GRIK5: variants seen among roughly 807,000 people sequenced by gnomAD.
The protein encoded by GRIK5 is glutamate receptor ionotropic, kainate 5.
GRIK5 carries 43 observed loss-of-function variants against 97.4 expected under a neutral mutation model. The ratio of observed to expected loss-of-function variants is 0.44; its 90% confidence interval spans 0.35 to 0.57. The LOEUF (loss-of-function observed/expected upper bound fraction) is 0.57, where lower values mean the gene tolerates loss of function less well. Among genes scored for constraint, GRIK5 ranks in the 20% least tolerant of loss-of-function variants. GRIK5 has a pLI of 0.01. For missense variants in GRIK5, 1,015 were observed against 1,382.0 expected, an observed-to-expected ratio of 0.73 and a Z score of 4.21; for synonymous variants, 580 against 583.5, an observed-to-expected ratio of 0.99 and a Z score of 0.09.
intron 11 of GRIK5, among the ~76,000 whole-genome samples, chr19:42,043,399 A>ATTTTTTT (rs984583211): frequency 8.2e-6 from 1 of 121,316 alleles, no homozygotes; most frequent in African/African-American, 3.2e-5. Context: ...AGATGGTGCA[A>ATTTTTTT]TTTTTTTTTT....
chr19:42,010,490 G>C (rs1411578778), intron 15 of GRIK5, among the ~76,000 whole-genome samples: 1 of 152,212 alleles, frequency 6.6e-6, no homozygotes, highest in Non-Finnish European at 1.5e-5. Flanking sequence ...TCTTGTCAGA[G>C]AGTGTGCAAG....
At chr19:42,016,931 C>T (rs994702136) in intron 15 of GRIK5, among the ~76,000 whole-genome samples, 6 of 151,942 alleles carry the variant, frequency 3.9e-5, no homozygotes, top group African/African-American at 1.2e-4. Flanking sequence ...ACATTAAAAA[C>T]CCAAGTTTTT....
intron 15 of GRIK5, among the ~76,000 whole-genome samples, chr19:42,011,188 C>T (rs755394339): frequency 6.6e-6 from 1 of 151,894 alleles, no homozygotes; most frequent in Non-Finnish European, 1.5e-5. Context: ...GCTCAAAGGA[C>T]GGGAGGGTGA....
chr19:42,001,524 TG>T (rs1407477427), intron 19 of GRIK5, among the ~76,000 whole-genome samples: 1 of 152,156 alleles, frequency 6.6e-6, no homozygotes, highest in African/African-American at 2.4e-5. Flanking sequence ...CCACCACACC[TG>T]GGCAAAAATC....
chr19:42,014,599 A>G (rs956219001), intron 15 of GRIK5, among the ~76,000 whole-genome samples: 3 of 151,946 alleles, frequency 2.0e-5, no homozygotes, highest in African/African-American at 7.3e-5. Flanking sequence ...CCTTGCCAAC[A>G]TGGTGAAACC....
At chr19:42,034,434 C>G (rs1216611005) in intron 12 of GRIK5, among the ~76,000 whole-genome samples, 1 of 152,094 alleles carries the variant, frequency 6.6e-6, no homozygotes, top group Non-Finnish European at 1.5e-5. Flanking sequence ...ACTGTGAGGC[C>G]CTGGGATGTG....
In GRIK5 at chr19:41,998,891, C is replaced by G. The variant is rs565614469; in HGVS notation, c.2923G>C (p.Glu975Gln). 1.8e-6 allele frequency: 2 copies of G among 1,119,854 alleles called. No individual in the cohort carries two copies. Among genetic ancestry groups the G allele is most frequent in the Admixed American group, 9.9e-5 (2 of 20,114 alleles). The allele number at this position is 1,119,854 out of a possible 1,614,324, so 69.4% of individuals were successfully genotyped here. The change falls in exon 20 of 20, where the codon GAG (glutamate) becomes CAG (glutamine). Residue 975 changes from glutamate (E) to glutamine (Q), a missense_variant. By Grantham distance (29) the Glu-to-Gln change is conservative. Transcript: ENST00000593562. Reference protein sequence around the residue: ...RPRPGPAGPRELAEHE With the variant: ...RPRPGPAGPRQLAEHE ...CGTGGTCACTCGTGCTCCGCCAGCTCCCGGGGGCCGGCGGGGCCAGGCCGC... is the reference window on the plus strand; with the variant it reads ...CGTGGTCACTCGTGCTCCGCCAGCTGCCGGGGGCCGGCGGGGCCAGGCCGC...
chr19:42,011,502 G>A (rs983936845), intron 15 of GRIK5, among the ~76,000 whole-genome samples: 32 of 150,044 alleles, frequency 2.1e-4, no homozygotes, highest in African/African-American at 5.4e-4. Flanking sequence ...GCAGTGAGCC[G>A]AGATCGCGCC....
chr19:41,999,297 C>T lies in GRIK5; in HGVS notation c.2517G>A (p.Val839=). 1 of 1,514,936 alleles carries T rather than the reference C, an allele frequency of 6.6e-7. No homozygotes were observed. 93.8% of individuals were successfully genotyped at this position (1,514,936 alleles called of 1,614,324 possible). Residue 839 remains valine, a splice_region_variant and synonymous_variant, in exon 20 of 20, where the codon GTG becomes GTA. Transcript: ENST00000593562. This position sits in a 1 kb window ranked among gnomAD's most constrained non-coding sequence, Gnocchi z 5.0. ...STRRSAESEE[V]SVCQEMLQEL... is the part of the protein sequence containing the mutation. The stretch of plus-strand genomic sequence containing the variant: ...CCTGCAGCATCTCCTGGCACACCGA[C>T]ACCTGGGGGTGGCGCGGGCGGTCAC...
chr19:42,051,483 A>G (rs1335396072), intron 11 of GRIK5, among the ~76,000 whole-genome samples: 2 of 152,126 alleles, frequency 1.3e-5, no homozygotes, highest in African/African-American at 4.8e-5. Flanking sequence ...TCTCTCCCCA[A>G]GGTAAAGCAC....
In GRIK5 at chr19:42,065,145, A is replaced by G. The variant is rs1599856005; in HGVS notation, c.244+78T>C. The G allele has an allele frequency of 3.1e-6, 4 of 1,302,750 alleles. No individual in the cohort carries two copies. The South Asian group carries it at 5.3e-5, about 17-fold the overall frequency. The allele number at this position is 1,302,750 out of a possible 1,614,324, so 80.7% of individuals were successfully genotyped here. A position where few individuals can be genotyped will look rare whatever the true frequency, so the allele number is the denominator to read the frequency against. ...AGCTAGAAGAGGACAAGGCCAGGCCAGAGGCCAGGGGCAGAGGGATGGACT... is the reference window on the plus strand; with the variant it reads ...AGCTAGAAGAGGACAAGGCCAGGCCGGAGGCCAGGGGCAGAGGGATGGACT... On this transcript the variant is annotated intron_variant, in intron 3 of 19. Transcript: ENST00000593562. This position sits in a 1 kb window ranked among gnomAD's most constrained non-coding sequence, Gnocchi z 5.8.
chr19:42,050,657 CAAAAAAA>C (rs1188154896), intron 11 of GRIK5, among the ~76,000 whole-genome samples: 2 of 58,724 alleles, frequency 3.4e-5, no homozygotes, highest in Non-Finnish European at 6.9e-5. Context: ...GACTCTGTCT[CAAAAAAA>C]AAAAAAAAAA....
At chr19:42,029,330 T>G (rs1475961122) in intron 12 of GRIK5, among the ~76,000 whole-genome samples, 5 of 150,738 alleles carry the variant, frequency 3.3e-5, no homozygotes, top group African/African-American at 4.9e-5. Context: ...CCTCCCACAG[T>G]GCTGGGATTA....
At chr19:42,033,317 C>CAAAAAAA (rs1006793815) in intron 12 of GRIK5, among the ~76,000 whole-genome samples, 1 of 42,202 alleles carries the variant, frequency 2.4e-5, no homozygotes. Context: ...GACTCCGTCT[C>CAAAAAAA]AAAAAAAAAA....
In GRIK5 at chr19:42,003,503, AAGGGGGCTGGG is replaced by A. The variant is rs781964799; in HGVS notation, c.2392+41_2392+51del. On this transcript the variant is annotated intron_variant, in intron 18 of 19. Coordinates refer to ENST00000593562, the MANE Select transcript of GRIK5 (RefSeq NM_002088.5). This position sits in a 1 kb window ranked among gnomAD's most constrained non-coding sequence, Gnocchi z 4.2. ...GCAAAGGGAGTTGGGGCTGTGTGGG[AAGGGGGCTGGG>A]AGGGGGCTATGGGAAGGGGACACCA... 5.0e-6 allele frequency: 8 copies of A among 1,605,622 alleles called. No individual in the cohort carries two copies. The highest frequency in any genetic ancestry group is 6.8e-6 in the Non-Finnish European group (8 of 1,173,782).
intron 11 of GRIK5, among the ~76,000 whole-genome samples, chr19:42,043,073 A>T (rs533688304): frequency 6.6e-6 from 1 of 152,176 alleles, no homozygotes; most frequent in Non-Finnish European, 1.5e-5. Flanking sequence ...GACTGGATAG[A>T]TCTTGTGCCA....
At position 42,056,973 on chromosome 19, in the gene GRIK5, C is replaced by A. The variant is rs755282217; in HGVS notation, c.693G>T (p.Ser231=). 7.1e-6 allele frequency: 11 copies of A among 1,554,724 alleles called. No homozygotes were observed. The Admixed American group carries it at 2.1e-4, about 30-fold the overall frequency. The change falls in exon 7 of 20, where the codon TCG becomes TCT. Residue 231 remains serine, a synonymous_variant. Transcript: ENST00000593562. ...SISHLILRKA[S]ELGMTSAFYK... ...AAAACGCTGAGGTCATTCCCAGTTCCGAGGCCTGGAAAACACAGGAGGCAA... is the reference window on the plus strand; with the variant it reads ...AAAACGCTGAGGTCATTCCCAGTTCAGAGGCCTGGAAAACACAGGAGGCAA...
Position 42,003,323 on chromosome 19 carries a change from C to T in GRIK5, c.2514+9G>A. 1 of 1,602,550 alleles carries T rather than the reference C, an allele frequency of 6.2e-7. No individual in the cohort carries two copies. The highest frequency in any genetic ancestry group is 8.5e-7 in the Non-Finnish European group (1 of 1,171,524). ...TGTTCCTGCCCACCCCCACCCCCAG[C>T]CTCCTCACCTCCTCGGACTCAGCTG... On this transcript the variant is annotated intron_variant, in intron 19 of 19. Coordinates refer to ENST00000593562, the MANE Select transcript of GRIK5 (RefSeq NM_002088.5). The surrounding 1 kb of genome is among the most constrained non-coding windows in gnomAD (Gnocchi z 4.2).
In GRIK5 at chr19:42,024,215, T is replaced by C. The variant is rs983239966; in HGVS notation, c.1474-1861A>G. Among the ~76,000 whole-genome samples the C allele has an allele frequency of 1.1e-4, 15 of 135,256 alleles. No homozygotes were observed. In the South Asian group the frequency reaches 2.9e-3, roughly 26 times the overall value. The allele number at this position is 135,256 out of a possible 152,430, so 88.7% of individuals were successfully genotyped here. ...TCTCTCTCACATTCCCCATTGGCCC[T>C]TTTTTTTTTTTTTTTGAGATGGAGT... is the stretch of plus-strand genomic sequence containing the variant. On this transcript the variant is annotated intron_variant, in intron 12 of 19. Coordinates refer to ENST00000593562, the MANE Select transcript of GRIK5 (RefSeq NM_002088.5).
Sources: gnomAD v4.1 joint callset for allele counts (sites outside exome capture counted in the v4.1 genomes callset) on GRCh38, gnomAD v4.1.1 for gene constraint, Gnocchi (gnomAD v3.1) non-coding constraint, MANE v1.5 for transcripts, NCBI Gene and HGNC (gene_info 2026-07-23, HGNC 2026-07-21) for gene names.